Variants in CSMD3 observed in about 807,000 individuals in gnomAD.
CSMD3 encodes CUB and sushi domain-containing protein 3.
A neutral mutation model predicts 435.2 loss-of-function variants in CSMD3; 177 were observed. The observed-to-expected ratio is 0.41, with a 90% confidence interval of 0.36 to 0.46. The LOEUF (loss-of-function observed/expected upper bound fraction) is 0.46, where lower values mean the gene tolerates loss of function less well. Ranked by LOEUF, CSMD3 falls within the 20% of genes least tolerant of loss-of-function variation. The pLI, the probability that CSMD3 is intolerant of heterozygous loss-of-function variation, is 0.34. For missense variants in CSMD3, 4,265 were observed against 4,504.6 expected, an observed-to-expected ratio of 0.95 and a Z score of 1.52; for synonymous variants, 1,656 against 1,520.5, an observed-to-expected ratio of 1.09 and a Z score of -2.07.
At chr8:112,901,573 C>T (rs1415208379) in intron 10 of CSMD3, among the ~76,000 whole-genome samples, 1 of 151,222 alleles carries the variant, frequency 6.6e-6, no homozygotes, top group Admixed American at 6.6e-5. Context: ...TGGCTCTGTC[C>T]CTCCATAAAC....
intron 6 of CSMD3, among the ~76,000 whole-genome samples, chr8:113,011,911 A>G (rs1296011344): frequency 6.6e-6 from 1 of 151,848 alleles, no homozygotes; most frequent in Non-Finnish European, 1.5e-5. Context: ...GATGAGTCTC[A>G]TAGACTGTCA....
chr8:113,432,188 G>C (rs1172738381), intron 1 of CSMD3, among the ~76,000 whole-genome samples: 1 of 152,138 alleles, frequency 6.6e-6, no homozygotes, highest in Non-Finnish European at 1.5e-5. Flanking sequence ...TGCTGCAAAA[G>C]GACATTTCAG....
intron 1 of CSMD3, among the ~76,000 whole-genome samples, chr8:113,402,233 C>T (rs1037042225): frequency 1.7e-5 from 2 of 115,408 alleles, no homozygotes; most frequent in Admixed American, 7.7e-5. Context: ...TTTTCATCAC[C>T]AAGGATTATT....
At chr8:112,938,817 T>C (rs1259564735) in intron 9 of CSMD3, among the ~76,000 whole-genome samples, 1 of 152,046 alleles carries the variant, frequency 6.6e-6, no homozygotes, top group South Asian at 2.1e-4. Context: ...TGCAAATATA[T>C]AAGCAAGGGG....
chr8:112,518,923 G>C (rs781440212), intron 27 of CSMD3, among the ~76,000 whole-genome samples: 4 of 152,014 alleles, frequency 2.6e-5, no homozygotes, highest in Non-Finnish European at 5.9e-5. Flanking sequence ...GAGAGAGAGA[G>C]TGAAGGGGAA....
chr8:113,043,446 A>G (rs1407254107), intron 5 of CSMD3, among the ~76,000 whole-genome samples: 4 of 152,130 alleles, frequency 2.6e-5, no homozygotes, highest in Non-Finnish European at 5.9e-5. Flanking sequence ...GAAGTTGTCC[A>G]AGCTGTGTTA....
intron 6 of CSMD3, among the ~76,000 whole-genome samples, chr8:113,013,149 T>C (rs916154389): frequency 3.9e-5 from 6 of 152,148 alleles, no homozygotes; most frequent in Admixed American, 3.3e-4. Context: ...AAATCTGTTA[T>C]AGAAAAAAAA....
At chr8:113,133,276 G>C (rs1248527716) in intron 4 of CSMD3, among the ~76,000 whole-genome samples, 1 of 151,966 alleles carries the variant, frequency 6.6e-6, no homozygotes, top group East Asian at 1.9e-4. Flanking sequence ...TTTCTCCAAA[G>C]GTTATATACA....
rs185733177 is a variant in CSMD3 at position 112,298,960 on chromosome 8, G to T, written c.8440+2833C>A. On this transcript the variant is annotated intron_variant, in intron 53 of 70. Coordinates refer to ENST00000297405, the MANE Select transcript of CSMD3 (RefSeq NM_198123.2). Reference sequence around the variant, plus strand: ...TCATAATAGCCTAAAACTGGACATAGCCCATGTATCCATCAAAAAGAGAAT... The same window carrying T: ...TCATAATAGCCTAAAACTGGACATATCCCATGTATCCATCAAAAAGAGAAT... Among the ~76,000 whole-genome samples the T allele has an allele frequency of 9.2e-5, 14 of 152,136 alleles. No individual in the cohort carries two copies. In the East Asian group the frequency reaches 2.3e-3, roughly 25 times the overall value.
At chr8:113,181,356 T>C (rs761855469) in intron 3 of CSMD3, among the ~76,000 whole-genome samples, 1 of 152,078 alleles carries the variant, frequency 6.6e-6, no homozygotes, top group South Asian at 2.1e-4. Flanking sequence ...GTTGGTAATG[T>C]CATTCTGTTT....
intron 38 of CSMD3, among the ~76,000 whole-genome samples, chr8:112,358,573 T>C (rs1248568779): frequency 6.6e-6 from 1 of 152,150 alleles, no homozygotes; most frequent in Non-Finnish European, 1.5e-5. Flanking sequence ...TGACAGTGAA[T>C]AAGTCTCACA....
intron 6 of CSMD3, among the ~76,000 whole-genome samples, chr8:113,008,948 C>T (rs1166237609): frequency 6.6e-6 from 1 of 151,106 alleles, no homozygotes; most frequent in Non-Finnish European, 1.5e-5. Flanking sequence ...AATTTCAAGA[C>T]TTAATATGAA....
intron 2 of CSMD3, among the ~76,000 whole-genome samples, chr8:113,304,990 T>C (rs1231955295): frequency 6.7e-6 from 1 of 150,132 alleles, no homozygotes; most frequent in African/African-American, 2.5e-5. Flanking sequence ...GATGAGTTCA[T>C]GTCCTTTGTA....
At chr8:112,541,729 T>C (rs1167502403) in intron 27 of CSMD3, among the ~76,000 whole-genome samples, 1 of 151,392 alleles carries the variant, frequency 6.6e-6, no homozygotes, top group Non-Finnish European at 1.5e-5. Context: ...CCCCGCAAAT[T>C]GAAACAAAAC....
chr8:113,089,449 A>T (rs929931324), intron 5 of CSMD3, among the ~76,000 whole-genome samples: 2 of 152,180 alleles, frequency 1.3e-5, no homozygotes, highest in South Asian at 4.1e-4. Context: ...ATATTATCTA[A>T]GACATAGAGT....
At chr8:112,342,389 TA>T (rs1214259332) in intron 41 of CSMD3, among the ~76,000 whole-genome samples, 2 of 152,140 alleles carry the variant, frequency 1.3e-5, no homozygotes, top group Admixed American at 6.6e-5. Flanking sequence ...TTAATTAATT[TA>T]ACACTCAATT....
intron 13 of CSMD3, among the ~76,000 whole-genome samples, chr8:112,774,814 T>A (rs2132216126): frequency 6.6e-6 from 1 of 152,172 alleles, no homozygotes; most frequent in Admixed American, 6.6e-5. Context: ...ATTTCACCTT[T>A]GATTCACTGT....
intron 35 of CSMD3, among the ~76,000 whole-genome samples, chr8:112,406,137 C>G (rs1027590874): frequency 1.3e-5 from 2 of 151,830 alleles, no homozygotes; most frequent in African/African-American, 4.8e-5. Context: ...ATCTCATGTA[C>G]TCCATTAATA....
chr8:112,352,592 A>G (rs1563829428), intron 38 of CSMD3, 58 bp from the exon 39 acceptor site: 1 of 1,447,352 alleles, frequency 6.9e-7, no homozygotes, highest in South Asian at 1.1e-5. Context: ...TGCTTAAGTT[A>G]TGCATATTAA....
Sources: gnomAD v4.1 joint callset for allele counts (sites outside exome capture counted in the v4.1 genomes callset) on GRCh38, gnomAD v4.1.1 for gene constraint, MANE v1.5 for transcripts, NCBI Gene and HGNC (gene_info 2026-07-23, HGNC 2026-07-21) for gene names.